Variants in WNK3 observed in about 807,000 individuals in gnomAD.
WNK3 encodes serine/threonine-protein kinase WNK3.
Under a neutral mutation model 116.7 loss-of-function variants are expected in WNK3, and 18 were observed. That is an observed-to-expected ratio of 0.15 (90% confidence interval 0.11 to 0.23). WNK3 has a LOEUF of 0.23. Ranked by LOEUF, WNK3 falls within the 10% of genes least tolerant of loss-of-function variation. WNK3 has a pLI of 1.00. For missense variants in WNK3, 993 were observed against 1,323.8 expected (o/e 0.75, Z 3.88); for synonymous variants, 404 against 469.4 (o/e 0.86, Z 1.80).
intron 6 of WNK3, among the ~76,000 whole-genome samples, chrX:54,299,472 C>T (rs1307618642): frequency 2.4e-5 from 2 of 82,492 alleles, no homozygotes; most frequent in East Asian, 3.4e-4. Context: ...TTTTTTGGGA[C>T]GGAGTGCAGT....
At chrX:54,278,703 A>G (rs2147056231) in intron 10 of WNK3, among the ~76,000 whole-genome samples, 1 of 111,914 alleles carries the variant, frequency 8.9e-6, no homozygotes, top group East Asian at 2.8e-4. Context: ...TCCCCAAAAA[A>G]AAACCCTGAA....
exon 16 of WNK3, chrX:54,250,098 C>G (rs2068113820): frequency 8.3e-7 from 1 of 1,197,840 alleles, no homozygotes; most frequent in Non-Finnish European, 1.1e-6. Flanking sequence ...GAATCGCCAC[C>G]GACCAACTGG....
At chrX:54,280,940 T>C (rs1451075033) in intron 10 of WNK3, among the ~76,000 whole-genome samples, 3 of 110,701 alleles carry the variant, frequency 2.7e-5, no homozygotes, top group Non-Finnish European at 5.7e-5. Flanking sequence ...AAAATAAAAG[T>C]TGAAAAATTA....
intron 20 of WNK3, among the ~76,000 whole-genome samples, chrX:54,235,850 T>C (rs2067955582): frequency 8.9e-6 from 1 of 111,847 alleles, no homozygotes; most frequent in African/African-American, 3.2e-5. Context: ...TACTATGAAA[T>C]GGTAAAGAAA....
chrX:54,269,811 T>G (rs145046229), intron 10 of WNK3, among the ~76,000 whole-genome samples: 2,006 of 110,526 alleles, frequency 0.018, 20 homozygotes, highest in Non-Finnish European at 0.027. Flanking sequence ...GTGTTCTATA[T>G]CTTCATTTGC....
intron 23 of WNK3, among the ~76,000 whole-genome samples, chrX:54,199,157 A>G (rs1347282139): frequency 9.0e-6 from 1 of 110,696 alleles, no homozygotes; most frequent in South Asian, 4.1e-4. Context: ...CCTAGAAATC[A>G]AATGTGTGAT....
At chrX:54,215,515 C>T (rs1166977649) in intron 22 of WNK3, among the ~76,000 whole-genome samples, 1 of 112,518 alleles carries the variant, frequency 8.9e-6, no homozygotes, top group Non-Finnish European at 1.9e-5. Flanking sequence ...GGCTGGAGTG[C>T]AGTGGCGTGA....
chrX:54,241,999 A>G (rs1187553007), intron 17 of WNK3, among the ~76,000 whole-genome samples: 2 of 110,413 alleles, frequency 1.8e-5, no homozygotes, highest in African/African-American at 6.6e-5. Flanking sequence ...AAAATGGGAA[A>G]TGAAGAAATA....
chrX:54,333,892 G>A lies in WNK3; in HGVS notation c.-119-100C>T, dbSNP rs879947486. ...TTTTTAATCCCTTTTTCCTTAATAAGAAGTTTATTCTTTTTTCTGTCCAAT... is the reference window on the plus strand; with the variant it reads ...TTTTTAATCCCTTTTTCCTTAATAAAAAGTTTATTCTTTTTTCTGTCCAAT... On this transcript the variant is annotated intron_variant, in intron 1 of 23. Transcript: ENST00000354646. The A allele has an allele frequency of 1.1e-4, 44 of 405,019 alleles. No homozygotes were observed. In the South Asian group the frequency reaches 1.9e-3, roughly 17 times the overall value. 33.4% of individuals were successfully genotyped at this position (405,019 alleles called of 1,213,427 possible). A position where few individuals can be genotyped will look rare whatever the true frequency, so the allele number is the denominator to read the frequency against.
In WNK3 at chrX:54,342,392, C is replaced by T. The variant is rs782092770; in HGVS notation, c.-119-8600G>A. On this transcript the variant is annotated intron_variant, in intron 1 of 23. Coordinates refer to ENST00000354646, the Ensembl canonical transcript of WNK3. ...ACCAGCCTAGCCAACATGGTGAAAC[C>T]CTGTCTTTACTAAAAATACAAAAAT... 1.2e-4 allele frequency among the ~76,000 whole-genome samples: 13 copies of T among 109,851 alleles called. 1 individual carries two copies. In the South Asian group the frequency reaches 5.2e-3, roughly 44 times the overall value.
At chrX:54,210,726 C>A (rs2146732909) in intron 22 of WNK3, among the ~76,000 whole-genome samples, 1 of 111,866 alleles carries the variant, frequency 8.9e-6, no homozygotes, top group Non-Finnish European at 1.9e-5. Flanking sequence ...CAGATACTCT[C>A]CTTCCTGCCT....
intron 2 of WNK3, among the ~76,000 whole-genome samples, chrX:54,324,652 G>A (rs1557172910): frequency 8.9e-6 from 1 of 112,268 alleles, no homozygotes; most frequent in Non-Finnish European, 1.9e-5. Flanking sequence ...TACTTTTAGG[G>A]CTGGATCTGA....
chrX:54,196,392 G>A (rs1223527431), exon 24 of WNK3: 2 of 100,159 alleles, frequency 2.0e-5, no homozygotes, highest in Non-Finnish European at 4.0e-5. Context: ...CCTCAGGTAA[G>A]CAACATAAAA....
chrX:54,201,014 G>A (rs185930751), intron 23 of WNK3, among the ~76,000 whole-genome samples: 181 of 111,259 alleles, frequency 1.6e-3, no homozygotes, highest in Middle Eastern at 9.3e-3. Context: ...GACTATACAT[G>A]TACACATATG....
chrX:54,222,915 A>AAAAT (rs1557146886), intron 22 of WNK3, among the ~76,000 whole-genome samples: 1 of 81,042 alleles, frequency 1.2e-5, no homozygotes, highest in African/African-American at 5.8e-5. Flanking sequence ...TAATAATAAT[A>AAAAT]ATATATATAT....
At chrX:54,337,700 G>A (rs1389490289) in intron 1 of WNK3, among the ~76,000 whole-genome samples, 1 of 107,366 alleles carries the variant, frequency 9.3e-6, no homozygotes, top group African/African-American at 3.4e-5. Context: ...AGGTTGTCGT[G>A]AGCCGAGATC....
intron 10 of WNK3, among the ~76,000 whole-genome samples, chrX:54,281,965 T>C (rs1052618271): frequency 3.6e-5 from 4 of 110,193 alleles, no homozygotes; most frequent in East Asian, 2.8e-4. Flanking sequence ...CGTTTGGATA[T>C]ATGCCCAGAA....
chrX:54,269,953 C>T lies in WNK3; in HGVS notation c.2038-10615G>A, dbSNP rs142557117. Among the ~76,000 whole-genome samples, 816 of 111,433 alleles carry T rather than the reference C, an allele frequency of 7.3e-3. 10 individuals carry two copies. Among genetic ancestry groups the T allele is most frequent in the African/African-American group, 0.026 (798 of 30,716 alleles). On this transcript the variant is annotated intron_variant, in intron 10 of 23. Coordinates refer to ENST00000354646, the Ensembl canonical transcript of WNK3. ...GATTCAATTCTGATAAAATACCACA[C>T]ATTTTTCATACACACATAGCATGGA...
At chrX:54,343,400 G>C (rs782639523) in intron 1 of WNK3, 11 of 109,887 alleles carry the variant, frequency 1.0e-4, no homozygotes, top group African/African-American at 3.6e-4. Flanking sequence ...CCAACTACTC[G>C]GGAGGCTGAG....
Sources: gnomAD v4.1 joint callset for allele counts (sites outside exome capture counted in the v4.1 genomes callset) on GRCh38, gnomAD v4.1.1 for gene constraint, MANE v1.5 for transcripts, NCBI Gene and HGNC (gene_info 2026-07-23, HGNC 2026-07-21) for gene names.